Variants in METTL24 observed in about 807,000 individuals in gnomAD.
METTL24 encodes probable methyltransferase-like protein 24.
A neutral mutation model predicts 32.7 loss-of-function variants in METTL24; 29 were observed. The ratio of observed to expected loss-of-function variants is 0.89; its 90% confidence interval spans 0.66 to 1.21. The LOEUF (loss-of-function observed/expected upper bound fraction) is 1.21. METTL24 is among the 50% of genes most tolerant of loss of function. The probability of loss-of-function intolerance (pLI) is 0.00; values close to 1 mark genes in which losing one functional copy is unlikely to be tolerated. For synonymous variants in METTL24, 163 were observed against 179.5 expected (o/e 0.91, Z 0.73); for missense variants, 439 against 468.1 (o/e 0.94, Z 0.57).
chr6:110,341,586 T>C (rs1252051686), intron 1 of METTL24, among the ~76,000 whole-genome samples: 1 of 152,234 alleles, frequency 6.6e-6, no homozygotes, highest in Non-Finnish European at 1.5e-5. Context: ...AGCTTTAAGA[T>C]ATATTCGTTC....
intron 2 of METTL24, among the ~76,000 whole-genome samples, chr6:110,321,267 T>C (rs1049056725): frequency 9.9e-5 from 15 of 151,882 alleles, no homozygotes; most frequent in African/African-American, 3.6e-4. Flanking sequence ...AAAGAAAAAT[T>C]TTCTCCTCTC....
intron 4 of METTL24, among the ~76,000 whole-genome samples, chr6:110,252,845 C>A (rs1185832752): frequency 6.6e-6 from 1 of 152,124 alleles, no homozygotes. Flanking sequence ...TATGTGGTCA[C>A]ACAGGGCCCC....
chr6:110,313,559 G>T (rs974696856), intron 3 of METTL24, among the ~76,000 whole-genome samples: 1 of 152,088 alleles, frequency 6.6e-6, no homozygotes, highest in Non-Finnish European at 1.5e-5. Context: ...ATCCCAGGGC[G>T]TAAAATATTA....
intron 1 of METTL24, among the ~76,000 whole-genome samples, chr6:110,347,210 C>A (rs1387741547): frequency 6.6e-6 from 1 of 152,176 alleles, no homozygotes; most frequent in African/African-American, 2.4e-5. Flanking sequence ...AGAAAAAAGC[C>A]TGGATTTTAA....
At chr6:110,262,930 T>C (rs1582387200) in intron 4 of METTL24, among the ~76,000 whole-genome samples, 1 of 152,178 alleles carries the variant, frequency 6.6e-6, no homozygotes, top group East Asian at 1.9e-4. Flanking sequence ...CCCTTCATGC[T>C]AAAAACTCTC....
chr6:110,322,982 C>CA, intron 1 of METTL24, 110 bp from the exon 2 acceptor site: 1 of 665,672 alleles, frequency 1.5e-6, no homozygotes, highest in Non-Finnish European at 2.5e-6. Context: ...CAGCAAAACA[C>CA]ACACATATGC....
At chr6:110,340,211 G>A (rs950222022) in intron 1 of METTL24, among the ~76,000 whole-genome samples, 8 of 151,506 alleles carry the variant, frequency 5.3e-5, no homozygotes, top group African/African-American at 1.9e-4. Context: ...GCTAGGCCAG[G>A]CCTGGGTTGC....
intron 4 of METTL24, chr6:110,253,862 C>A: frequency 7.1e-7 from 1 of 1,410,478 alleles, no homozygotes; most frequent in Non-Finnish European, 9.3e-7. Context: ...ATAAATTTTC[C>A]TCTAAAATTT....
intron 3 of METTL24, among the ~76,000 whole-genome samples, chr6:110,310,040 G>C (rs1771693293): frequency 6.6e-6 from 1 of 152,096 alleles, no homozygotes; most frequent in Non-Finnish European, 1.5e-5. Context: ...TGAGGTCCAT[G>C]GTTTTCACAT....
chr6:110,293,285 T>C (rs1044033800), intron 4 of METTL24, among the ~76,000 whole-genome samples: 2 of 152,094 alleles, frequency 1.3e-5, no homozygotes, highest in African/African-American at 4.8e-5. Flanking sequence ...CTAAGTTTTC[T>C]TCTTGTAGAC....
chr6:110,355,167 CTCTT>C (rs1439183886), intron 1 of METTL24, among the ~76,000 whole-genome samples: 1 of 152,150 alleles, frequency 6.6e-6, no homozygotes, highest in Non-Finnish European at 1.5e-5. Flanking sequence ...ACAAATCAGA[CTCTT>C]TCTGTTGTCA....
chr6:110,296,985 T>C (rs1771431372), intron 4 of METTL24, among the ~76,000 whole-genome samples: 1 of 147,338 alleles, frequency 6.8e-6, no homozygotes, highest in African/African-American at 2.7e-5. Context: ...TTTAGTTTTG[T>C]TGTTTTTGTT....
At chr6:110,340,432 C>G (rs1232786990) in intron 1 of METTL24, among the ~76,000 whole-genome samples, 1 of 152,174 alleles carries the variant, frequency 6.6e-6, no homozygotes, top group Non-Finnish European at 1.5e-5. Context: ...ACCATCACAA[C>G]CATCCCTGGC....
chr6:110,352,698 T>C (rs1315875780), intron 1 of METTL24, among the ~76,000 whole-genome samples: 1 of 152,130 alleles, frequency 6.6e-6, no homozygotes, highest in East Asian at 1.9e-4. Context: ...TGCTGGCAGA[T>C]TCCTGCCTCG....
intron 1 of METTL24, among the ~76,000 whole-genome samples, chr6:110,343,021 C>A (rs367633824): frequency 1.6e-4 from 24 of 152,278 alleles, no homozygotes; most frequent in Admixed American, 1.2e-3. Context: ...TAATCATGGA[C>A]AAGTTTTGTG....
intron 4 of METTL24, among the ~76,000 whole-genome samples, chr6:110,295,794 A>AAAGAAAGG (rs375674093): frequency 2.2e-5 from 3 of 136,244 alleles, no homozygotes; most frequent in Admixed American, 7.2e-5. Context: ...AGAAAGAAAG[A>AAAGAAAGG]AAGGAAGGAA....
chr6:110,350,569 C>T lies in METTL24; in HGVS notation c.318+7386G>A, dbSNP rs1363434700. The stretch of plus-strand genomic sequence containing the variant: ...TCAAAGAATATGAGACTCTAAGTTT[C>T]GTTTGAGAACCCTAATTGGTATCAT... On this transcript the variant is annotated intron_variant, in intron 1 of 4. Coordinates refer to ENST00000338882, the MANE Select transcript of METTL24 (RefSeq NM_001123364.3). 2.6e-5 allele frequency among the ~76,000 whole-genome samples: 4 copies of T among 151,480 alleles called. No individual in the cohort carries two copies. The South Asian group carries it at 6.2e-4, about 24-fold the overall frequency.
At chr6:110,256,621 G>C (rs1296978714) in intron 4 of METTL24, among the ~76,000 whole-genome samples, 1 of 152,010 alleles carries the variant, frequency 6.6e-6, no homozygotes, top group East Asian at 1.9e-4. Flanking sequence ...CCCTCCCCCT[G>C]GCCTTCCATC....
At chr6:110,253,772 A>G in intron 4 of METTL24, 1 of 845,020 alleles carries the variant, frequency 1.2e-6, no homozygotes, top group Non-Finnish European at 1.6e-6. Context: ...TGAAACACAC[A>G]TTTTCTACAA....
Sources: gnomAD v4.1 joint callset for allele counts (sites outside exome capture counted in the v4.1 genomes callset) on GRCh38, gnomAD v4.1.1 for gene constraint, MANE v1.5 for transcripts, NCBI Gene and HGNC (gene_info 2026-07-23, HGNC 2026-07-21) for gene names.